DGKI: variants seen among roughly 807,000 people sequenced by gnomAD.
DGKI encodes DAG kinase iota.
DGKI carries 55 observed loss-of-function variants against 147.5 expected under a neutral mutation model. The ratio of observed to expected loss-of-function variants is 0.37; its 90% CI spans 0.30 to 0.47. DGKI has a LOEUF of 0.47. Ranked by LOEUF, DGKI falls within the 20% of genes least tolerant of loss-of-function variation. The pLI, the probability that DGKI is intolerant of heterozygous loss-of-function variation, is 1.00. For synonymous variants in DGKI, 469 were observed against 477.1 expected, an observed-to-expected ratio of 0.98 and a Z score of 0.22; for missense variants, 1,007 against 1,323.8, an observed-to-expected ratio of 0.76 and a Z score of 3.71.
chr7:137,439,007 C>G (rs1813390822), intron 28 of DGKI, among the ~76,000 whole-genome samples: 1 of 151,950 alleles, frequency 6.6e-6, no homozygotes. Flanking sequence ...AACAAAAAGG[C>G]AGAATAGTAG....
chr7:137,409,608 A>G (rs1476444929), intron 29 of DGKI, among the ~76,000 whole-genome samples: 1 of 152,234 alleles, frequency 6.6e-6, no homozygotes, highest in Non-Finnish European at 1.5e-5. Flanking sequence ...ATTTTCCACA[A>G]AACTCTAAAA....
chr7:137,843,004 A>G (rs1335866597), intron 1 of DGKI, among the ~76,000 whole-genome samples: 1 of 152,196 alleles, frequency 6.6e-6, no homozygotes, highest in Non-Finnish European at 1.5e-5. Context: ...CGGTCTAAAG[A>G]GACAGTCCTT....
chr7:137,602,297 T>A (rs1820018429), intron 10 of DGKI, among the ~76,000 whole-genome samples: 1 of 152,160 alleles, frequency 6.6e-6, no homozygotes, highest in African/African-American at 2.4e-5. Flanking sequence ...ACTAACATCT[T>A]CCAAAAAATA....
At chr7:137,726,568 T>C (rs1794725133) in intron 1 of DGKI, among the ~76,000 whole-genome samples, 1 of 152,200 alleles carries the variant, frequency 6.6e-6, no homozygotes, top group South Asian at 2.1e-4. Context: ...AAAATGCAGA[T>C]TCTAATTTAA....
intron 20 of DGKI, among the ~76,000 whole-genome samples, chr7:137,550,533 C>CA (rs1818011137): frequency 6.6e-6 from 1 of 151,860 alleles, no homozygotes; most frequent in Non-Finnish European, 1.5e-5. Flanking sequence ...CTAAGTGCTA[C>CA]AAAAAATGCC....
At chr7:137,722,968 A>C in intron 1 of DGKI, 2 of 568,356 alleles carry the variant, frequency 3.5e-6, no homozygotes, top group Non-Finnish European at 6.1e-6. Flanking sequence ...TTAGTTACCT[A>C]TCCTGAGATA....
chr7:137,716,286 C>T (rs910190924), intron 1 of DGKI, among the ~76,000 whole-genome samples: 6 of 152,202 alleles, frequency 3.9e-5, no homozygotes, highest in Admixed American at 3.3e-4. Flanking sequence ...CATGAAAAGA[C>T]TCATTGTCAG....
At chr7:137,591,564 C>T (rs1563101622) in intron 12 of DGKI, among the ~76,000 whole-genome samples, 3 of 152,108 alleles carry the variant, frequency 2.0e-5, no homozygotes, top group Admixed American at 6.5e-5. Context: ...TGTGGGGCAC[C>T]GAGCTGAGCG....
intron 19 of DGKI, among the ~76,000 whole-genome samples, chr7:137,559,545 T>C (rs1228828331): frequency 2.0e-5 from 3 of 151,200 alleles, no homozygotes; most frequent in South Asian, 2.1e-4. Flanking sequence ...TTAAAAAAAA[T>C]AGTAGCAATT....
intron 28 of DGKI, among the ~76,000 whole-genome samples, chr7:137,433,463 A>T (rs1199035435): frequency 6.6e-6 from 1 of 152,220 alleles, no homozygotes; most frequent in Non-Finnish European, 1.5e-5. Flanking sequence ...CTTTTGATTA[A>T]ATATTGGGAT....
chr7:137,839,967 G>T (rs1203548187), intron 1 of DGKI, among the ~76,000 whole-genome samples: 2 of 152,286 alleles, frequency 1.3e-5, no homozygotes, highest in South Asian at 2.1e-4. Flanking sequence ...GGGCTGGAAG[G>T]AAAGAACATT....
At chr7:137,584,316 G>A (rs1169831221) in intron 14 of DGKI, among the ~76,000 whole-genome samples, 4 of 152,028 alleles carry the variant, frequency 2.6e-5, no homozygotes, top group African/African-American at 7.2e-5. Flanking sequence ...AATCATAGAA[G>A]GAAAATGGAA....
intron 20 of DGKI, chr7:137,545,948 T>C: frequency 1.4e-6 from 1 of 702,714 alleles, no homozygotes; most frequent in Non-Finnish European, 2.6e-6. Context: ...GTCCGCAGTT[T>C]GCACCTGATG....
chr7:137,568,425 T>A (rs28656777), intron 19 of DGKI, among the ~76,000 whole-genome samples: 11,963 of 152,270 alleles, frequency 0.079, 556 homozygotes, highest in South Asian at 0.14. Context: ...ATTCACCATT[T>A]GCTGCCCCAG....
chr7:137,740,045 G>A (rs2116702663), intron 1 of DGKI, among the ~76,000 whole-genome samples: 1 of 152,280 alleles, frequency 6.6e-6, no homozygotes, highest in Non-Finnish European at 1.5e-5. Context: ...TTGGAATAAA[G>A]CTAGTCAACC....
intron 1 of DGKI, among the ~76,000 whole-genome samples, chr7:137,744,989 G>A (rs1207554894): frequency 6.6e-6 from 1 of 152,140 alleles, no homozygotes; most frequent in African/African-American, 2.4e-5. Context: ...AACAAGATAA[G>A]GGTACTATGT....
At chr7:137,473,841 A>G (rs2128930519) in intron 23 of DGKI, among the ~76,000 whole-genome samples, 1 of 152,298 alleles carries the variant, frequency 6.6e-6, no homozygotes, top group African/African-American at 2.4e-5. Flanking sequence ...TATATTTACC[A>G]TTGTATGGTA....
chr7:137,684,726 T>C (rs1336472762), intron 2 of DGKI, among the ~76,000 whole-genome samples: 3 of 152,230 alleles, frequency 2.0e-5, no homozygotes, highest in Non-Finnish European at 1.5e-5. Flanking sequence ...TAGTTCCTTA[T>C]GCGCTGCTCA....
intron 10 of DGKI, among the ~76,000 whole-genome samples, chr7:137,603,195 A>G (rs1820053998): frequency 6.6e-6 from 1 of 152,230 alleles, no homozygotes; most frequent in Non-Finnish European, 1.5e-5. Flanking sequence ...AGGAAGTTCC[A>G]TGCATTATTC....
Sources: gnomAD v4.1 joint callset for allele counts (sites outside exome capture counted in the v4.1 genomes callset) on GRCh38, gnomAD v4.1.1 for gene constraint, MANE v1.5 for transcripts, NCBI Gene and HGNC (gene_info 2026-07-23, HGNC 2026-07-21) for gene names.